Variants in EP400 observed in about 807,000 individuals in gnomAD.
EP400 encodes the protein E1A binding protein p400.
In EP400, 105 loss-of-function variants were observed where a neutral mutation model predicts 354.1. The observed-to-expected ratio is 0.30, with a 90% CI of 0.25 to 0.35. The LOEUF (loss-of-function observed/expected upper bound fraction) is 0.35. Ranked by LOEUF, EP400 falls within the 10% of genes least tolerant of loss-of-function variation. EP400 has a pLI of 1.00. For missense variants in EP400, 3,280 were observed against 4,121.0 expected (o/e 0.80, Z 5.59); for synonymous variants, 1,646 against 1,716.9 (o/e 0.96, Z 1.02).
At position 132,075,604 on chromosome 12, in the gene EP400, A is replaced by G. The variant is rs976183499; in HGVS notation, c.9022-912A>G. The G allele has an allele frequency of 1.3e-5, 2 of 152,164 alleles. No homozygotes were observed. The highest frequency in any genetic ancestry group is 2.4e-5 in the African/African-American group (1 of 41,438). The allele number at this position is 152,164 out of a possible 1,614,324, so 9.4% of individuals were successfully genotyped here. A position where few individuals can be genotyped will look rare whatever the true frequency, so the allele number is the denominator to read the frequency against. ...CTTATCTTAGTGAATTTTATTTATAATTGTTTAAGTGACAGTAAACTAGTA... is the reference window on the plus strand; with the variant it reads ...CTTATCTTAGTGAATTTTATTTATAGTTGTTTAAGTGACAGTAAACTAGTA... On this transcript the variant is annotated intron_variant, in intron 51 of 52. Coordinates refer to ENST00000389561, the MANE Select transcript of EP400 (RefSeq NM_015409.5). This position sits in a 1 kb window ranked among gnomAD's most constrained non-coding sequence, Gnocchi z 4.5.
At position 132,069,556 on chromosome 12, in the gene EP400, C is replaced by A; in HGVS notation, c.8936C>A (p.Pro2979Gln). The change falls in exon 51 of 53, where the codon CCG becomes CAG. Residue 2979 changes from proline to glutamine, a missense_variant. Transcript: ENST00000389561. ...AQQKVAYAAQ[P>Q]ALKTQFLTTP... ...CAGAAGGTTGCCTACGCCGCGCAGCCGGCCCTTAAGACCCAGTTTCTTACC... is the reference window on the plus strand; with the variant it reads ...CAGAAGGTTGCCTACGCCGCGCAGCAGGCCCTTAAGACCCAGTTTCTTACC... 5 of 1,614,238 alleles carry A rather than the reference C, an allele frequency of 3.1e-6. No homozygotes were observed. Among genetic ancestry groups the A allele is most frequent in the Non-Finnish European group, 4.2e-6 (5 of 1,180,038 alleles).
At chr12:131,996,155 C>T (rs1893207126) in intron 12 of EP400, among the ~76,000 whole-genome samples, 1 of 152,104 alleles carries the variant, frequency 6.6e-6, no homozygotes, top group Non-Finnish European at 1.5e-5. Flanking sequence ...GGTGGCCATT[C>T]ACCTGGTTCC....
At chr12:131,960,536 AAC>A in intron 1 of EP400, 47 bp from the exon 2 acceptor site, 1 of 1,473,242 alleles carries the variant, frequency 6.8e-7, no homozygotes, top group Non-Finnish European at 9.1e-7. Context: ...GTGTCAATAA[AAC>A]AGTTATGTGT....
At position 132,050,233 on chromosome 12, in the gene EP400, C is replaced by T; in HGVS notation, c.7201-90C>T. ...TGTGTTCAGCCATGGGGAGTTTAGC[C>T]TCAGATTCCCACCCAGTGAGCCCTG... is the stretch of plus-strand genomic sequence containing the variant. On this transcript the variant is annotated intron_variant, in intron 39 of 52. Coordinates refer to ENST00000389561, the MANE Select transcript of EP400 (RefSeq NM_015409.5). The surrounding 1 kb of genome is among the most constrained non-coding windows in gnomAD (Gnocchi z 4.8). The T allele has an allele frequency of 6.6e-6, 10 of 1,504,658 alleles. No individual in the cohort carries two copies. The highest frequency in any genetic ancestry group is 1.3e-5 in the South Asian group (1 of 79,656). 93.2% of individuals were successfully genotyped at this position (1,504,658 alleles called of 1,614,324 possible).
intron 45 of EP400, among the ~76,000 whole-genome samples, chr12:132,059,947 C>T (rs761802032): frequency 6.6e-5 from 10 of 151,576 alleles, no homozygotes; most frequent in South Asian, 2.1e-4. Context: ...TGCTTGAACC[C>T]GGGAGGCGGA....
Position 132,075,685 on chromosome 12 carries a change from G to T in EP400, c.9022-831G>T, listed in dbSNP as rs748894793. 1 of 152,198 alleles carries T rather than the reference G, an allele frequency of 6.6e-6. No homozygotes were observed. Among genetic ancestry groups the T allele is most frequent in the Non-Finnish European group, 1.5e-5 (1 of 68,044 alleles). 9.4% of individuals were successfully genotyped at this position (152,198 alleles called of 1,614,324 possible). ...AGGACTAACATTTATTTCGACCTTT[G>T]TTCATGTGTGAGTAAATCATGTAAT... On this transcript the variant is annotated intron_variant, in intron 51 of 52. Coordinates refer to ENST00000389561, the MANE Select transcript of EP400 (RefSeq NM_015409.5). This position sits in a 1 kb window ranked among gnomAD's most constrained non-coding sequence, Gnocchi z 4.5.
In EP400 at chr12:131,992,316, T is replaced by C. The variant is rs746049726; in HGVS notation, c.2737+86T>C. ...GCTGCAGCGACTTGGGGTTTAGTCT[T>C]GTCATCTTCAGCTGGTTGGAAAGCT... is the stretch of plus-strand genomic sequence containing the variant. On this transcript the variant is annotated intron_variant, in intron 11 of 52. Transcript: ENST00000389561. The C allele has an allele frequency of 5.6e-6, 7 of 1,256,470 alleles. No individual in the cohort carries two copies. The Admixed American group carries it at 8.4e-5, about 15-fold the overall frequency. 77.8% of individuals were successfully genotyped at this position (1,256,470 alleles called of 1,614,324 possible). A position where few individuals can be genotyped will look rare whatever the true frequency, so the allele number is the denominator to read the frequency against.
Position 132,023,870 on chromosome 12 carries a change from A to G in EP400, c.4784A>G (p.Gln1595Arg). ...GAGACGCCGGTGACACTGCAGTTCC[A>G]GGGCAGCAAGTTCACCCTGTCACAC... ...QPETPVTLQF[Q>R]GSKFTLSHSQ... Residue 1595 changes from glutamine (Q) to arginine (R), a missense_variant, in exon 24 of 53, where the codon CAG becomes CGG. Physicochemically the swap from Gln to Arg is conservative, Grantham distance 43. Around this residue, in one of 20 missense-constraint regions of EP400, gnomAD observed 25 missense variants for 51.2 expected, o/e 0.49. Transcript: ENST00000389561. 6.2e-7 allele frequency: 1 copy of G among 1,613,444 alleles called. No individual in the cohort carries two copies. Among genetic ancestry groups the G allele is most frequent in the Admixed American group, 1.7e-5 (1 of 59,918 alleles).
At position 132,021,103 on chromosome 12, in the gene EP400, C is replaced by T. The variant is rs754024495; in HGVS notation, c.4472C>T (p.Ser1491Phe). 3.8e-6 allele frequency: 6 copies of T among 1,599,752 alleles called. No homozygotes were observed. In the African/African-American group the frequency reaches 8.0e-5, roughly 21 times the overall value. Reference sequence around the variant, plus strand: ...GCAGCAGCAGCCCCGTTTCAGACCTCTCAGGCTTCCGCCAGTGCTCCACGA... The same window carrying T: ...GCAGCAGCAGCCCCGTTTCAGACCTTTCAGGCTTCCGCCAGTGCTCCACGA... ...AKAAAAPFQT[S>F]QASASAPRHQ... The change falls in exon 23 of 53, where the codon TCT (serine) becomes TTT (phenylalanine). Residue 1491 changes from serine to phenylalanine, a missense_variant. Transcript: ENST00000389561.
chr12:132,048,479 C>G (rs895070016), intron 39 of EP400, among the ~76,000 whole-genome samples: 1 of 151,374 alleles, frequency 6.6e-6, no homozygotes, highest in Non-Finnish European at 1.5e-5. Flanking sequence ...TGAAGCTAAT[C>G]CAAAGAAAAA....
At chr12:131,955,099 T>C (rs978330820) in intron 1 of EP400, among the ~76,000 whole-genome samples, 2 of 152,188 alleles carry the variant, frequency 1.3e-5, no homozygotes, top group Non-Finnish European at 1.5e-5. Context: ...TAAAGTTGTT[T>C]AGCCACCATT....
At chr12:131,991,298 T>C (rs1442351396) in intron 9 of EP400, 109 bp from the exon 10 acceptor site, 1 of 1,055,914 alleles carries the variant, frequency 9.5e-7, no homozygotes, top group Non-Finnish European at 1.5e-6. Flanking sequence ...CACGCGTCCT[T>C]CCTTTCCCTG....
At position 132,023,831 on chromosome 12, in the gene EP400, G is replaced by A. The variant is rs1407607828; in HGVS notation, c.4745G>A (p.Arg1582His). 8 of 1,613,786 alleles carry A rather than the reference G, an allele frequency of 5.0e-6. No individual in the cohort carries two copies. The highest frequency in any genetic ancestry group is 1.1e-5 in the South Asian group (1 of 91,028). ...GCATCCATCACAGGACCACAGAGCC[G>A]CGTGGCTCAGCCAGAGACGCCGGTG... Reference protein sequence around the residue: ...QLASITGPQSRVAQPETPVTL... With the variant: ...QLASITGPQSHVAQPETPVTL... The change falls in exon 24 of 53, where the codon CGC (arginine) becomes CAC (histidine). Residue 1582 changes from arginine to histidine, a missense_variant. Arg to His is a conservative substitution (Grantham distance 29, BLOSUM62 0). This residue lies in a region of EP400 where 342 missense variants were observed against 342.7 expected (regional missense o/e 1.00). Coordinates refer to ENST00000389561, the MANE Select transcript of EP400 (RefSeq NM_015409.5).
At chr12:132,065,066 C>T in intron 48 of EP400, 180 bp downstream of exon 48, 2 of 1,151,894 alleles carry the variant, frequency 1.7e-6, no homozygotes. Context: ...GGAACATTAA[C>T]ACAGCAGCAG....
chr12:132,017,068 C>T lies in EP400; in HGVS notation c.3924-467C>T, dbSNP rs1007910714. Reference sequence around the variant, plus strand: ...CAGTGTGCGTTGTAGGTCCTTCTGTCTGCCCCCTTCACTGGGTGGTAAGCC... The same window carrying T: ...CAGTGTGCGTTGTAGGTCCTTCTGTTTGCCCCCTTCACTGGGTGGTAAGCC... On this transcript the variant is annotated intron_variant, in intron 19 of 52. Coordinates refer to ENST00000389561, the MANE Select transcript of EP400 (RefSeq NM_015409.5). This position sits in a 1 kb window ranked among gnomAD's most constrained non-coding sequence, Gnocchi z 5.0. Among the ~76,000 whole-genome samples, 9 of 152,380 alleles carry T rather than the reference C, an allele frequency of 5.9e-5. No homozygotes were observed. Among genetic ancestry groups the T allele is most frequent in the Non-Finnish European group, 4.4e-5 (3 of 68,040 alleles).
intron 2 of EP400, 51 bp from the exon 3 acceptor site, chr12:131,979,643 T>C: frequency 6.6e-7 from 1 of 1,513,364 alleles, no homozygotes; most frequent in African/African-American, 1.4e-5. Flanking sequence ...GAGTTTATTC[T>C]TGTAATGGCC....
chr12:132,029,362 C>T lies in EP400; in HGVS notation c.5382-339C>T. The T allele has an allele frequency of 5.5e-6, 2 of 363,776 alleles. No individual in the cohort carries two copies. Among genetic ancestry groups the T allele is most frequent in the Non-Finnish European group, 5.1e-6 (1 of 197,646 alleles). The allele number at this position is 363,776 out of a possible 1,614,324, so 22.5% of individuals were successfully genotyped here. Reference sequence around the variant, plus strand: ...GTTCTAGGGTCCACGAGACAGTGCACCTTTGTCCCAAAGTTTCCAGCTGAA... The same window carrying T: ...GTTCTAGGGTCCACGAGACAGTGCATCTTTGTCCCAAAGTTTCCAGCTGAA... On this transcript the variant is annotated intron_variant, in intron 27 of 52. Transcript: ENST00000389561. This position sits in a 1 kb window ranked among gnomAD's most constrained non-coding sequence, Gnocchi z 4.7.
At chr12:132,046,738 C>T (rs2136580839) in intron 39 of EP400, among the ~76,000 whole-genome samples, 1 of 152,334 alleles carries the variant, frequency 6.6e-6, no homozygotes, top group Non-Finnish European at 1.5e-5. Flanking sequence ...CTTCAGGCAG[C>T]TCCTTCTTGC....
intron 19 of EP400, among the ~76,000 whole-genome samples, chr12:132,016,722 G>C (rs944392788): frequency 3.3e-5 from 5 of 152,172 alleles, no homozygotes; most frequent in Admixed American, 6.5e-5. Flanking sequence ...TCTGTCACCT[G>C]CACTTGAGCT....
Sources: gnomAD v4.1 joint callset for allele counts (sites outside exome capture counted in the v4.1 genomes callset) on GRCh38, gnomAD v4.1.1 for gene constraint, gnomAD v4.1.1 regional missense constraint, Gnocchi (gnomAD v3.1) non-coding constraint, MANE v1.5 for transcripts, NCBI Gene and HGNC (gene_info 2026-07-23, HGNC 2026-07-21) for gene names.